Variants in ATP5MF observed in about 807,000 individuals in gnomAD.
ATP5MF encodes the protein ATP synthase membrane subunit f, also known as ATP synthase F(0) complex subunit f, mitochondrial.
Under a neutral mutation model 13.8 loss-of-function variants are expected in ATP5MF, and 10 were observed. The observed-to-expected ratio is 0.72, with a 90% confidence interval of 0.45 to 1.23. The LOEUF (loss-of-function observed/expected upper bound fraction) is 1.23, where lower values mean the gene tolerates loss of function less well. Among genes scored for constraint, ATP5MF ranks in the 50% most tolerant of loss-of-function variants. ATP5MF has a pLI of 0.00. For missense variants in ATP5MF, 122 were observed against 118.2 expected, an observed-to-expected ratio of 1.03 and a Z score of -0.15; for synonymous variants, 40 against 45.8, an observed-to-expected ratio of 0.87 and a Z score of 0.51.
chr7:99,461,686 G>A (rs545904298), intron 1 of ATP5MF, among the ~76,000 whole-genome samples: 66 of 150,360 alleles, frequency 4.4e-4, no homozygotes, highest in African/African-American at 1.5e-3. Context: ...ATGAGATCAC[G>A]CCACTGCACC....
rs768024634 is a variant in ATP5MF at position 99,466,091 on chromosome 7, C to T, written c.31+20G>A. The T allele has an allele frequency of 6.2e-6, 10 of 1,613,986 alleles. No individual in the cohort carries two copies. In the African/African-American group the frequency reaches 9.3e-5, roughly 15 times the overall value. On this transcript the variant is annotated intron_variant, in intron 1 of 3. Coordinates refer to ENST00000292475, the MANE Select transcript of ATP5MF (RefSeq NM_004889.5). ...TGGACCCTGGCTCCTGCTTCCACCA[C>T]GGAGTCCAAACAGCCTTACCTGGGG... is the stretch of plus-strand genomic sequence containing the variant.
Position 99,458,214 on chromosome 7 carries a change from G to T in ATP5MF, c.*113C>A. ...CACACGTACCAGTCATGTTTTATTT[G>T]GAGGTTAATTCCTATTAGGATATGA... On this transcript the variant is annotated 3_prime_UTR_variant, in exon 4 of 4. Coordinates refer to ENST00000292475, the MANE Select transcript of ATP5MF (RefSeq NM_004889.5). 3 of 1,118,752 alleles carry T rather than the reference G, an allele frequency of 2.7e-6. No individual in the cohort carries two copies. The highest frequency in any genetic ancestry group is 3.9e-6 in the Non-Finnish European group (3 of 778,846). The allele number at this position is 1,118,752 out of a possible 1,614,324, so 69.3% of individuals were successfully genotyped here. A position where few individuals can be genotyped will look rare whatever the true frequency, so the allele number is the denominator to read the frequency against.
chr7:99,460,708 AT>A (rs1798561465), intron 1 of ATP5MF, among the ~76,000 whole-genome samples: 1 of 152,102 alleles, frequency 6.6e-6, no homozygotes, highest in East Asian at 1.9e-4. Flanking sequence ...AACCCTGGGG[AT>A]GTGTCGCTGG....
intron 1 of ATP5MF, among the ~76,000 whole-genome samples, chr7:99,463,510 G>A (rs188779074): frequency 2.0e-4 from 30 of 152,284 alleles, no homozygotes; most frequent in Admixed American, 1.6e-3. Context: ...CTGTACAGTG[G>A]CTCACGTCTG....
intron 1 of ATP5MF, among the ~76,000 whole-genome samples, chr7:99,463,547 G>GCAGGAGGATCACGAGCT (rs1447919480): frequency 3.9e-5 from 6 of 152,158 alleles, no homozygotes; most frequent in Non-Finnish European, 8.8e-5. Flanking sequence ...GGAGGCCAAG[G>GCAGGAGGATCACGAGCT]CAGGAGGATC....
chr7:99,458,304 G>T lies in ATP5MF; in HGVS notation c.*23C>A, dbSNP rs45566535. Reference sequence around the variant, plus strand: ...GGGCTCGGGCCAAGGTCGTGGGGTGGGGGGGTGCAGAGTGTGTCCTCTTCA... The same window carrying T: ...GGGCTCGGGCCAAGGTCGTGGGGTGTGGGGGTGCAGAGTGTGTCCTCTTCA... On this transcript the variant is annotated 3_prime_UTR_variant, in exon 4 of 4. Transcript: ENST00000292475. The T allele has an allele frequency of 1.1e-5, 18 of 1,608,276 alleles. No homozygotes were observed. The African/African-American group carries it at 2.0e-4, about 18-fold the overall frequency.
intron 1 of ATP5MF, among the ~76,000 whole-genome samples, chr7:99,464,717 T>C (rs763988141): frequency 6.0e-5 from 9 of 150,830 alleles, no homozygotes; most frequent in South Asian, 2.1e-4. Flanking sequence ...TCTCAACACT[T>C]TGGGAGGTCG....
intron 1 of ATP5MF, among the ~76,000 whole-genome samples, chr7:99,462,650 CTG>C (rs757529911): frequency 6.6e-6 from 1 of 152,128 alleles, no homozygotes; most frequent in East Asian, 1.9e-4. Context: ...TGGCGTGTGC[CTG>C]TAGTCCCCGC....
chr7:99,461,661 T>C (rs904004663), intron 1 of ATP5MF, among the ~76,000 whole-genome samples: 4 of 148,766 alleles, frequency 2.7e-5, no homozygotes, highest in Non-Finnish European at 6.0e-5. Context: ...CTGGCCAACA[T>C]GGTGAAACTG....
rs1064339 is a variant in ATP5MF, at chr7:99,458,239, A to G, written c.*88T>C. The G allele has an allele frequency of 5.1e-6, 7 of 1,370,096 alleles. No individual in the cohort carries two copies. In the African/African-American group the frequency reaches 1.0e-4, roughly 20 times the overall value. The allele number at this position is 1,370,096 out of a possible 1,614,324, so 84.9% of individuals were successfully genotyped here. A position where few individuals can be genotyped will look rare whatever the true frequency, so the allele number is the denominator to read the frequency against. ...GGAGGTTAATTCCTATTAGGATATG[A>G]AAGGATTCAGCAACGATTGAGATTG... is the stretch of plus-strand genomic sequence containing the variant. On this transcript the variant is annotated 3_prime_UTR_variant, in exon 4 of 4. Transcript: ENST00000292475.
intron 1 of ATP5MF, 147 bp from the exon 2 acceptor site, chr7:99,460,340 T>C: frequency 1.1e-6 from 1 of 892,514 alleles, no homozygotes; most frequent in Non-Finnish European, 1.8e-6. Flanking sequence ...TATGAAGAAA[T>C]ATGTCACATC....
chr7:99,464,157 C>T (rs187111431), intron 1 of ATP5MF, among the ~76,000 whole-genome samples: 6 of 152,368 alleles, frequency 3.9e-5, no homozygotes, highest in Admixed American at 2.0e-4. Flanking sequence ...AAGTGTCTTT[C>T]ACATGCTAAA....
chr7:99,464,313 G>A (rs1798746553), intron 1 of ATP5MF, among the ~76,000 whole-genome samples: 1 of 152,238 alleles, frequency 6.6e-6, no homozygotes, highest in African/African-American at 2.4e-5. Flanking sequence ...GGGGAAAACA[G>A]CTTCCCTCTC....
At chr7:99,458,416 G>T in intron 3 of ATP5MF, 61 bp from the exon 4 acceptor site, 1 of 1,530,052 alleles carries the variant, frequency 6.5e-7, no homozygotes, top group Non-Finnish European at 8.9e-7. Context: ...GCACAGCATG[G>T]CAGGAAGCAG....
At chr7:99,463,643 G>T (rs906518955) in intron 1 of ATP5MF, among the ~76,000 whole-genome samples, 1 of 152,128 alleles carries the variant, frequency 6.6e-6, no homozygotes, top group Non-Finnish European at 1.5e-5. Context: ...GGGTGTGGTG[G>T]CGGGCACCTG....
At position 99,466,145 on chromosome 7, in the gene ATP5MF, G is replaced by C. The variant is rs766371925; in HGVS notation, c.-4C>G. On this transcript the variant is annotated 5_prime_UTR_variant, in exon 1 of 4. Transcript: ENST00000292475. The stretch of plus-strand genomic sequence containing the variant: ...GACACTCACCAACTGACGCCATTTT[G>C]GAGTCCTGGTGTCCGCTGTGCCGGA... The C allele has an allele frequency of 6.2e-7, 1 of 1,614,186 alleles. No individual in the cohort carries two copies. The highest frequency in any genetic ancestry group is 1.1e-5 in the South Asian group (1 of 91,084).
chr7:99,461,626 T>C (rs1798605076), intron 1 of ATP5MF, among the ~76,000 whole-genome samples: 1 of 151,310 alleles, frequency 6.6e-6, no homozygotes, highest in Non-Finnish European at 1.5e-5. Context: ...GGCAGATCAC[T>C]TGAGGTCAGG....
chr7:99,458,676 A>C (rs932701279), intron 3 of ATP5MF, among the ~76,000 whole-genome samples: 1 of 152,066 alleles, frequency 6.6e-6, no homozygotes, highest in African/African-American at 2.4e-5. Flanking sequence ...AGGTGGGGGT[A>C]GGGGGTGTAC....
In ATP5MF at chr7:99,463,779, AAAAT is replaced by A. The variant is rs1170782206; in HGVS notation, c.31+2328_31+2331del. On this transcript the variant is annotated intron_variant, in intron 1 of 3. Coordinates refer to ENST00000292475, the MANE Select transcript of ATP5MF (RefSeq NM_004889.5). ...CGACAAAAGCAAGACTCCATCTCAA[AAAAT>A]AAATAAATAAATAAAAATAAAATAT... 3.9e-5 allele frequency among the ~76,000 whole-genome samples: 6 copies of A among 152,260 alleles called. No homozygotes were observed. In the East Asian group the frequency reaches 5.8e-4, roughly 15 times the overall value.
Sources: allele counts gnomAD v4.1 joint callset (sites outside exome capture counted in the v4.1 genomes callset), GRCh38; gene constraint gnomAD v4.1.1; transcripts MANE v1.5; gene names NCBI Gene and HGNC (gene_info 2026-07-23, HGNC 2026-07-21).